AGMO: variants seen among roughly 807,000 people sequenced by gnomAD.
AGMO encodes the protein glyceryl-ether monooxygenase.
In AGMO, 75 loss-of-function variants were observed where a neutral mutation model predicts 60.2. The observed-to-expected ratio is 1.25, with a 90% CI of 1.03 to 1.51. The LOEUF is 1.51. AGMO is among the 40% of genes most tolerant of loss of function. AGMO has a pLI of 0.00. For missense variants in AGMO, 763 were observed against 525.5 expected (o/e 1.45, Z -4.42); for synonymous variants, 261 against 177.1 (o/e 1.47, Z -3.76).
intron 3 of AGMO, among the ~76,000 whole-genome samples, chr7:15,436,415 G>T (rs1008555686): frequency 6.6e-6 from 1 of 152,296 alleles, no homozygotes; most frequent in East Asian, 1.9e-4. Flanking sequence ...AAGCAGAAGA[G>T]AGTGAACCCA....
the AGMO span, among the ~76,000 whole-genome samples, chr7:15,152,135 T>TA: frequency 3.3e-5 from 5 of 152,298 alleles, no homozygotes; most frequent in East Asian, 9.6e-4. Context: ...TATTATTATG[T>TA]AATGCAATAC....
chr7:15,202,480 A>C (rs1189089168), intron 12 of AGMO, among the ~76,000 whole-genome samples: 2 of 129,226 alleles, frequency 1.5e-5, no homozygotes, highest in Non-Finnish European at 3.2e-5. Flanking sequence ...AAAAAAAAAA[A>C]AAAAAAAAAC....
In AGMO at chr7:15,536,819, G is replaced by A. The variant is rs1003577774; in HGVS notation, c.409+7953C>T. On this transcript the variant is annotated intron_variant, in intron 3 of 12. Coordinates refer to ENST00000342526, the MANE Select transcript of AGMO (RefSeq NM_001004320.2). ...TACCCTTTTAGTAATTCACACAGCC[G>A]TCTTTCATTATGCTATTTTATATGG... is the stretch of plus-strand genomic sequence containing the variant. Among the ~76,000 whole-genome samples, 13 of 151,910 alleles carry A rather than the reference G, an allele frequency of 8.6e-5. No individual in the cohort carries two copies. The South Asian group carries it at 1.0e-3, about 12-fold the overall frequency.
chr7:15,465,159 C>T (rs1485971244), intron 3 of AGMO, among the ~76,000 whole-genome samples: 1 of 151,880 alleles, frequency 6.6e-6, no homozygotes, highest in Admixed American at 6.6e-5. Flanking sequence ...AGCCTTTATG[C>T]CCCTACTTTC....
chr7:15,346,374 T>C (rs1299811457), intron 12 of AGMO, among the ~76,000 whole-genome samples: 1 of 152,078 alleles, frequency 6.6e-6, no homozygotes, highest in Non-Finnish European at 1.5e-5. Context: ...AACTTGGGCT[T>C]TGTAGATTTG....
chr7:15,409,820 C>T (rs890023426), intron 5 of AGMO, among the ~76,000 whole-genome samples: 2 of 151,742 alleles, frequency 1.3e-5, no homozygotes, highest in African/African-American at 2.4e-5. Flanking sequence ...TGGAGTCTGA[C>T]TACTTTGTAC....
chr7:15,280,373 C>CA (rs1783928114), intron 12 of AGMO, among the ~76,000 whole-genome samples: 1 of 152,174 alleles, frequency 6.6e-6, no homozygotes. Context: ...GAGGCAGCTG[C>CA]ATTCTGCCCT....
chr7:15,548,923 C>T (rs1179942261), intron 2 of AGMO, among the ~76,000 whole-genome samples: 3 of 146,386 alleles, frequency 2.0e-5, no homozygotes, highest in East Asian at 3.9e-4. Flanking sequence ...AGAGAAAGGT[C>T]GGGTTACCCT....
chr7:15,146,352 A>C, the AGMO span, among the ~76,000 whole-genome samples: 6 of 152,308 alleles, frequency 3.9e-5, no homozygotes, highest in African/African-American at 1.4e-4. Flanking sequence ...TGTATGGCTC[A>C]AATATTGTAA....
chr7:15,281,479 G>A (rs553106575), intron 12 of AGMO, among the ~76,000 whole-genome samples: 1 of 152,256 alleles, frequency 6.6e-6, no homozygotes, highest in African/African-American at 2.4e-5. Flanking sequence ...CATTCCTGTA[G>A]ATGAAAAGAG....
At chr7:15,558,437 T>C (rs1356317960) in intron 2 of AGMO, among the ~76,000 whole-genome samples, 2 of 152,064 alleles carry the variant, frequency 1.3e-5, no homozygotes, top group African/African-American at 4.8e-5. Flanking sequence ...ATGAGCTAAA[T>C]TAACCAACTG....
intron 12 of AGMO, among the ~76,000 whole-genome samples, chr7:15,331,345 C>G (rs1475388388): frequency 6.6e-6 from 1 of 152,100 alleles, no homozygotes; most frequent in Non-Finnish European, 1.5e-5. Context: ...ATTTGTTACA[C>G]AGCCATAATT....
At chr7:15,474,430 G>A (rs900724174) in intron 3 of AGMO, among the ~76,000 whole-genome samples, 1 of 151,742 alleles carries the variant, frequency 6.6e-6, no homozygotes, top group African/African-American at 2.4e-5. Context: ...TGACAAACCT[G>A]ACAAAAGCAA....
intron 6 of AGMO, among the ~76,000 whole-genome samples, chr7:15,392,088 G>C (rs1784165706): frequency 6.7e-6 from 1 of 149,392 alleles, no homozygotes; most frequent in Non-Finnish European, 1.5e-5. Flanking sequence ...TTTTTTTTTT[G>C]AGATGGAGTC....
intron 12 of AGMO, among the ~76,000 whole-genome samples, chr7:15,241,683 C>G (rs1233608925): frequency 6.6e-6 from 1 of 151,676 alleles, no homozygotes; most frequent in Non-Finnish European, 1.5e-5. Flanking sequence ...TGAGTTTCCC[C>G]AAAACCACTG....
At chr7:15,142,705 T>C in the AGMO span, among the ~76,000 whole-genome samples, 1 of 152,096 alleles carries the variant, frequency 6.6e-6, no homozygotes, top group South Asian at 2.1e-4. Flanking sequence ...AATGCAACCT[T>C]CCCTGAAGCT....
At chr7:15,342,235 GAAGAA>G (rs2128549830) in intron 12 of AGMO, among the ~76,000 whole-genome samples, 1 of 144,286 alleles carries the variant, frequency 6.9e-6, no homozygotes, top group South Asian at 2.2e-4. Context: ...TAGAGATTGG[GAAGAA>G]AAGAAGTCTC....
intron 12 of AGMO, among the ~76,000 whole-genome samples, chr7:15,278,581 C>A (rs1016054506): frequency 3.9e-5 from 6 of 152,080 alleles, no homozygotes; most frequent in Non-Finnish European, 8.8e-5. Context: ...GGAGCTCTAG[C>A]GCGTTTCACT....
the AGMO span, among the ~76,000 whole-genome samples, chr7:15,122,279 T>A: frequency 6.6e-6 from 1 of 152,136 alleles, no homozygotes; most frequent in East Asian, 1.9e-4. Flanking sequence ...CTTAATCTAC[T>A]TTGTTCATGC....
Sources: allele counts gnomAD v4.1 joint callset (sites outside exome capture counted in the v4.1 genomes callset), GRCh38; gene constraint gnomAD v4.1.1; transcripts MANE v1.5; gene names NCBI Gene and HGNC (gene_info 2026-07-23, HGNC 2026-07-21).